Variants in BICRAL observed in about 807,000 individuals in gnomAD.
The protein encoded by BICRAL is BRD4-interacting chromatin-remodeling complex-associated protein-like.
Under a neutral mutation model 91.8 loss-of-function variants are expected in BICRAL, and 8 were observed. The ratio of observed to expected loss-of-function variants is 0.09; its 90% CI spans 0.05 to 0.16. The LOEUF (loss-of-function observed/expected upper bound fraction) is 0.16. BICRAL is among the 10% of genes least tolerant of loss of function. The pLI, the probability that BICRAL is intolerant of heterozygous loss-of-function variation, is 1.00. For missense variants in BICRAL, 1,038 were observed against 1,310.9 expected (o/e 0.79, Z 3.21); for synonymous variants, 445 against 491.1 (o/e 0.91, Z 1.24).
chr6:42,781,592 GGTGGGTGTGTGT>G (rs1762908585), upstream of BICRAL, among the ~76,000 whole-genome samples: 1 of 116,706 alleles, frequency 8.6e-6, no homozygotes, highest in Non-Finnish European at 1.8e-5. Flanking sequence ...TGGGTGGGTG[GGTGGGTGTGTGT>G]GTGTGTGTGT....
At chr6:42,857,981 G>A (rs893255014) in intron 10 of BICRAL, among the ~76,000 whole-genome samples, 2 of 149,414 alleles carry the variant, frequency 1.3e-5, no homozygotes, top group African/African-American at 4.9e-5. Context: ...GCTAATTTTT[G>A]TATTTTTTTA....
At chr6:42,751,937 A>G (rs111712962) in intron 1 of BICRAL, among the ~76,000 whole-genome samples, 53 of 151,614 alleles carry the variant, frequency 3.5e-4, no homozygotes, top group African/African-American at 1.2e-3. Flanking sequence ...GATTACAGGC[A>G]TGAGTCACCG....
chr6:42,827,241 A>G (rs1329727496), intron 5 of BICRAL, among the ~76,000 whole-genome samples: 1 of 152,212 alleles, frequency 6.6e-6, no homozygotes, highest in Non-Finnish European at 1.5e-5. Context: ...ATAAAATGGA[A>G]TGGTGTTCAG....
intron 6 of BICRAL, among the ~76,000 whole-genome samples, chr6:42,836,946 C>A (rs1179471303): frequency 7.6e-6 from 1 of 132,338 alleles, no homozygotes; most frequent in African/African-American, 2.9e-5. Context: ...TGTAATATTT[C>A]TTTTCTTTTT....
At chr6:42,796,769 CG>C (rs1447148095) in intron 1 of BICRAL, among the ~76,000 whole-genome samples, 1 of 151,870 alleles carries the variant, frequency 6.6e-6, no homozygotes, top group Non-Finnish European at 1.5e-5. Context: ...AGCTGTCGGC[CG>C]GGTGCAGTGC....
intron 1 of BICRAL, among the ~76,000 whole-genome samples, chr6:42,787,412 G>A (rs1224782578): frequency 6.6e-6 from 1 of 152,030 alleles, no homozygotes; most frequent in Non-Finnish European, 1.5e-5. Context: ...ATAAATTTTG[G>A]GAGTCACTAG....
chr6:42,766,101 T>C (rs1185600949), intron 1 of BICRAL, among the ~76,000 whole-genome samples: 1 of 152,168 alleles, frequency 6.6e-6, no homozygotes, highest in East Asian at 1.9e-4. Context: ...CCACCTTAGC[T>C]TCCCAAAGTG....
At chr6:42,792,849 G>T (rs1763311642) in intron 1 of BICRAL, among the ~76,000 whole-genome samples, 1 of 151,914 alleles carries the variant, frequency 6.6e-6, no homozygotes, top group Admixed American at 6.6e-5. Context: ...GGAGGCGGAG[G>T]TTGCAGTGAG....
At chr6:42,746,558 CGG>C (rs1308818744), upstream of BICRAL, among the ~76,000 whole-genome samples, 3 of 151,206 alleles carry the variant, frequency 2.0e-5, no homozygotes, top group African/African-American at 7.3e-5. Flanking sequence ...AAAGATGGAG[CGG>C]GGGGGAATAT....
At chr6:42,821,162 A>G (rs1764126480) in intron 2 of BICRAL, 1 of 152,084 alleles carries the variant, frequency 6.6e-6, no homozygotes. Flanking sequence ...AAATTATTCC[A>G]CACATGGCTC....
chr6:42,750,906 TTTAA>T (rs1762369552), intron 1 of BICRAL, among the ~76,000 whole-genome samples: 3 of 75,194 alleles, frequency 4.0e-5, no homozygotes, highest in Admixed American at 1.8e-4. Flanking sequence ...TTTTTTTTTT[TTTAA>T]TACTTTAAGT....
chr6:42,797,146 T>C (rs1186434474), intron 1 of BICRAL, among the ~76,000 whole-genome samples: 1 of 148,674 alleles, frequency 6.7e-6, no homozygotes, highest in Non-Finnish European at 1.5e-5. Context: ...CAGGAAAAGA[T>C]ACATAAGCAG....
intron 1 of BICRAL, among the ~76,000 whole-genome samples, chr6:42,775,762 A>G (rs1343767724): frequency 4.6e-5 from 7 of 152,216 alleles, no homozygotes; most frequent in African/African-American, 1.7e-4. Flanking sequence ...AAGGAAAATA[A>G]CCAGCTTGAA....
chr6:42,783,777 TG>T, intron 1 of BICRAL, among the ~76,000 whole-genome samples: 1 of 152,306 alleles, frequency 6.6e-6, no homozygotes, highest in African/African-American at 2.4e-5. Flanking sequence ...TCGCGGCTGA[TG>T]GGTTCCCTCC....
intron 5 of BICRAL, among the ~76,000 whole-genome samples, chr6:42,824,314 G>A (rs1009197467): frequency 6.6e-5 from 10 of 152,082 alleles, no homozygotes; most frequent in Non-Finnish European, 1.5e-4. Flanking sequence ...AAAAAGACAA[G>A]TTATATATCC....
At chr6:42,766,039 A>C (rs984549969) in intron 1 of BICRAL, among the ~76,000 whole-genome samples, 1 of 152,104 alleles carries the variant, frequency 6.6e-6, no homozygotes, top group Non-Finnish European at 1.5e-5. Flanking sequence ...TTTCTGGTAG[A>C]GACAGGATTT....
intron 1 of BICRAL, among the ~76,000 whole-genome samples, chr6:42,771,503 G>C (rs1762733543): frequency 6.7e-6 from 1 of 149,532 alleles, no homozygotes; most frequent in Non-Finnish European, 1.5e-5. Context: ...GGGGGGTGGT[G>C]GGGGGGTCCT....
chr6:42,815,984 C>CAA (rs746928245), intron 2 of BICRAL, among the ~76,000 whole-genome samples: 450 of 38,564 alleles, frequency 0.012, 8 homozygotes, highest in African/African-American at 0.032. Flanking sequence ...AACTCTGTCT[C>CAA]AAAAAAAAAA....
At chr6:42,830,814 G>A (rs187502096) in intron 6 of BICRAL, among the ~76,000 whole-genome samples, 4 of 152,130 alleles carry the variant, frequency 2.6e-5, no homozygotes, top group African/African-American at 7.2e-5. Context: ...TTGGGGTTTC[G>A]CCGTGTTGCC....
Sources: gnomAD v4.1 joint callset for allele counts (sites outside exome capture counted in the v4.1 genomes callset) on GRCh38, gnomAD v4.1.1 for gene constraint, MANE v1.5 for transcripts, NCBI Gene and HGNC (gene_info 2026-07-23, HGNC 2026-07-21) for gene names.